The following TAS2R1 variants were observed in gnomAD, a reference collection of about 807,000 sequenced individuals.
The protein encoded by TAS2R1 is taste receptor type 2 member 1.
For missense variants in TAS2R1, 370 were observed against 353.4 expected (o/e 1.05, Z -0.38); for synonymous variants, 141 against 134.2 (o/e 1.05, Z -0.35).
At chr5:9,715,422 A>G (rs1460057835), upstream of TAS2R1, among the ~76,000 whole-genome samples, 3 of 152,228 alleles carry the variant, frequency 2.0e-5, no homozygotes, top group African/African-American at 7.2e-5. Context: ...GGCTGTGGGT[A>G]TGAGGCCATT....
rs1739847019 is a variant in TAS2R1, at chr5:9,630,155, C to T, written c.-123G>A. The T allele has an allele frequency of 2.6e-6, 2 of 775,894 alleles. No homozygotes were observed. Among genetic ancestry groups the T allele is most frequent in the Middle Eastern group, 3.8e-4 (1 of 2,600 alleles). 48.1% of individuals were successfully genotyped at this position (775,894 alleles called of 1,614,324 possible). On this transcript the variant is annotated 5_prime_UTR_variant, in exon 1 of 1. The change abolishes an upstream ATG in the 5' untranslated region. Transcript: ENST00000382492. ...TGGGGAAGAAGACTAACAATAAAGGCATGGGGCAGGAAGGTGGTGTACATT... is the reference window on the plus strand; with the variant it reads ...TGGGGAAGAAGACTAACAATAAAGGTATGGGGCAGGAAGGTGGTGTACATT...
the TAS2R1 span, among the ~76,000 whole-genome samples, chr5:9,844,140 C>G: frequency 2.0e-5 from 3 of 152,174 alleles, no homozygotes; most frequent in Non-Finnish European, 4.4e-5. Flanking sequence ...GTTCTACCCA[C>G]ACTCAAGGAA....
At chr5:9,846,066 T>C in the TAS2R1 span, among the ~76,000 whole-genome samples, 1 of 152,178 alleles carries the variant, frequency 6.6e-6, no homozygotes. Context: ...ACTGGGGCAA[T>C]AAACTATTTT....
chr5:9,791,585 G>A, the TAS2R1 span, among the ~76,000 whole-genome samples: 2 of 152,138 alleles, frequency 1.3e-5, no homozygotes, highest in Non-Finnish European at 2.9e-5. Flanking sequence ...TGTGATTCTG[G>A]CTGCACAACA....
chr5:9,817,560 T>C, the TAS2R1 span, among the ~76,000 whole-genome samples: 1 of 152,202 alleles, frequency 6.6e-6, no homozygotes, highest in Non-Finnish European at 1.5e-5. Context: ...GATGGTTGCA[T>C]GATCTTGTAA....
the TAS2R1 span, among the ~76,000 whole-genome samples, chr5:9,861,041 T>G: frequency 1.0e-4 from 15 of 149,102 alleles, 1 homozygote; most frequent in African/African-American, 3.2e-4. Flanking sequence ...GATGAGGTTT[T>G]TTTTTTTTTT....
At chr5:9,677,877 T>A (rs58724804) in intron 1 of TAS2R1, among the ~76,000 whole-genome samples, 21,627 of 152,172 alleles carry the variant, frequency 0.14, 1,926 homozygotes, top group South Asian at 0.2. Context: ...TGTGAATGTT[T>A]CATAGCAACC....
At chr5:9,718,245 A>T in the TAS2R1 span, among the ~76,000 whole-genome samples, 2 of 151,428 alleles carry the variant, frequency 1.3e-5, no homozygotes, top group East Asian at 2.0e-4. Flanking sequence ...TTGGGATTAC[A>T]GGCGTGAGCC....
the TAS2R1 span, among the ~76,000 whole-genome samples, chr5:9,778,382 A>G: frequency 6.6e-6 from 1 of 152,168 alleles, no homozygotes; most frequent in Non-Finnish European, 1.5e-5. Context: ...GGATTTCAAA[A>G]TGGTAAATGA....
the TAS2R1 span, among the ~76,000 whole-genome samples, chr5:9,883,632 T>A: frequency 2.2e-3 from 338 of 152,284 alleles, 2 homozygotes; most frequent in African/African-American, 7.5e-3. Context: ...GCTATTGATA[T>A]GTAACAAGCT....
chr5:9,786,216 G>T, the TAS2R1 span, among the ~76,000 whole-genome samples: 1 of 152,224 alleles, frequency 6.6e-6, no homozygotes. Flanking sequence ...AGGGAGGACA[G>T]TGGTGACCTA....
upstream of TAS2R1, among the ~76,000 whole-genome samples, chr5:9,632,070 G>A (rs887671991): frequency 6.6e-6 from 1 of 152,064 alleles, no homozygotes; most frequent in African/African-American, 2.4e-5. Context: ...GAAATGTAAG[G>A]GCATGCAGCT....
the TAS2R1 span, among the ~76,000 whole-genome samples, chr5:9,795,196 T>C: frequency 1.7e-4 from 26 of 152,314 alleles, no homozygotes; most frequent in Middle Eastern, 3.4e-3. Flanking sequence ...ATCAGCGTTT[T>C]CTACAAAGCA....
At chr5:9,895,213 C>A in the TAS2R1 span, among the ~76,000 whole-genome samples, 1 of 152,202 alleles carries the variant, frequency 6.6e-6, no homozygotes, top group African/African-American at 2.4e-5. Flanking sequence ...TGCAGAAGAG[C>A]TGGGACTGCA....
At chr5:9,661,955 C>T (rs1433645302) in intron 1 of TAS2R1, among the ~76,000 whole-genome samples, 7 of 152,194 alleles carry the variant, frequency 4.6e-5, no homozygotes, top group Non-Finnish European at 8.8e-5. Context: ...GTGGATTTGG[C>T]TAGAGGTTCT....
chr5:9,734,990 C>A, the TAS2R1 span, among the ~76,000 whole-genome samples: 2 of 151,408 alleles, frequency 1.3e-5, no homozygotes, highest in African/African-American at 4.9e-5. Flanking sequence ...ATTCACAATT[C>A]TGTAGGCTGT....
At chr5:9,740,279 T>C in the TAS2R1 span, among the ~76,000 whole-genome samples, 13 of 152,240 alleles carry the variant, frequency 8.5e-5, no homozygotes, top group Non-Finnish European at 1.6e-4. Flanking sequence ...TGTAGGCGAA[T>C]AAAAATGCTG....
chr5:9,789,218 T>C, the TAS2R1 span, among the ~76,000 whole-genome samples: 4 of 152,172 alleles, frequency 2.6e-5, no homozygotes, highest in African/African-American at 9.7e-5. Flanking sequence ...CTGCCAGGCA[T>C]TTGATACTAA....
chr5:9,752,738 C>T, the TAS2R1 span, among the ~76,000 whole-genome samples: 2,320 of 151,568 alleles, frequency 0.015, 52 homozygotes, highest in African/African-American at 0.051. Flanking sequence ...GTGATGTTCC[C>T]CTTTCTGTGG....
Sources: allele counts gnomAD v4.1 joint callset (sites outside exome capture counted in the v4.1 genomes callset), GRCh38; gene constraint gnomAD v4.1.1; transcripts MANE v1.5; gene names NCBI Gene and HGNC (gene_info 2026-07-23, HGNC 2026-07-21).